ANAPC10: variants seen among roughly 807,000 people sequenced by gnomAD.
ANAPC10 encodes the protein anaphase-promoting complex subunit 10.
A neutral mutation model predicts 22.0 loss-of-function variants in ANAPC10; 12 were observed. The ratio of observed to expected loss-of-function variants is 0.55; its 90% CI spans 0.35 to 0.88. The LOEUF (loss-of-function observed/expected upper bound fraction) is 0.88. ANAPC10 is among the 40% of genes least tolerant of loss of function. The probability of loss-of-function intolerance (pLI) is 0.01; values close to 1 mark genes in which losing one functional copy is unlikely to be tolerated. For synonymous variants in ANAPC10, 65 were observed against 69.5 expected, an observed-to-expected ratio of 0.94 and a Z score of 0.32; for missense variants, 188 against 220.9, an observed-to-expected ratio of 0.85 and a Z score of 0.94.
intron 4 of ANAPC10, among the ~76,000 whole-genome samples, chr4:145,038,108 G>T (rs1474498565): frequency 1.3e-5 from 2 of 152,146 alleles, no homozygotes; most frequent in Non-Finnish European, 2.9e-5. Context: ...GCGTAAAGGG[G>T]AGGATAGCTT....
chr4:145,043,105 T>C (rs1337057785), intron 4 of ANAPC10, among the ~76,000 whole-genome samples: 1 of 151,912 alleles, frequency 6.6e-6, no homozygotes, highest in African/African-American at 2.4e-5. Context: ...AGAAACAGTA[T>C]TATTTGCTAA....
chr4:145,046,407 T>A (rs1241395551), intron 4 of ANAPC10, among the ~76,000 whole-genome samples: 1 of 152,128 alleles, frequency 6.6e-6, no homozygotes, highest in African/African-American at 2.4e-5. Flanking sequence ...TTTACTTTTT[T>A]AAATATAACA....
intron 4 of ANAPC10, among the ~76,000 whole-genome samples, chr4:144,997,060 C>A (rs1560797559): frequency 6.6e-6 from 1 of 152,136 alleles, no homozygotes; most frequent in Admixed American, 6.5e-5. Flanking sequence ...AAGAAATGAA[C>A]AAAGCCTCCA....
chr4:144,998,871 A>G (rs1732052768), intron 4 of ANAPC10, among the ~76,000 whole-genome samples: 1 of 152,178 alleles, frequency 6.6e-6, no homozygotes, highest in Non-Finnish European at 1.5e-5. Flanking sequence ...GACCGCTAGC[A>G]ACACTAATAA....
intron 4 of ANAPC10, among the ~76,000 whole-genome samples, chr4:145,007,003 T>C (rs1008913583): frequency 6.6e-6 from 1 of 152,078 alleles, no homozygotes; most frequent in South Asian, 2.1e-4. Context: ...GGCTATATGC[T>C]GAAGATATAA....
intron 3 of ANAPC10, 144 bp from the exon 4 acceptor site, chr4:145,064,836 T>A (rs1442906036): frequency 4.2e-6 from 3 of 707,594 alleles, no homozygotes; most frequent in African/African-American, 3.6e-5. Context: ...TCAACAAAAA[T>A]GAAAAATGTA....
chr4:145,009,473 G>T (rs557502116), intron 4 of ANAPC10, among the ~76,000 whole-genome samples: 1 of 152,050 alleles, frequency 6.6e-6, no homozygotes, highest in African/African-American at 2.4e-5. Flanking sequence ...CCAAAACAGA[G>T]ATGTAGACCA....
chr4:145,038,494 C>G (rs1415340027), intron 4 of ANAPC10, among the ~76,000 whole-genome samples: 1 of 151,984 alleles, frequency 6.6e-6, no homozygotes, highest in Non-Finnish European at 1.5e-5. Flanking sequence ...CCCTGGATGA[C>G]AGAGTGAGAC....
intron 4 of ANAPC10, among the ~76,000 whole-genome samples, chr4:145,027,364 G>T (rs1381697489): frequency 6.6e-6 from 1 of 151,878 alleles, no homozygotes; most frequent in East Asian, 1.9e-4. Context: ...AAAAGAAGTA[G>T]AAAATGAGAA....
chr4:145,094,958 A>G (rs1277753537), intron 2 of ANAPC10, among the ~76,000 whole-genome samples: 1 of 152,186 alleles, frequency 6.6e-6, no homozygotes, highest in East Asian at 1.9e-4. Flanking sequence ...GTATGTTATC[A>G]CTCATTTATC....
intron 3 of ANAPC10, among the ~76,000 whole-genome samples, chr4:145,080,126 A>AC (rs1041504320): frequency 2.7e-5 from 4 of 150,312 alleles, no homozygotes; most frequent in African/African-American, 9.8e-5. Context: ...AAAAAAAAAA[A>AC]AAAAAAAAAA....
chr4:145,026,957 G>GTGTATATATATATA (rs1343774253), intron 4 of ANAPC10, among the ~76,000 whole-genome samples: 4 of 18,350 alleles, frequency 2.2e-4, no homozygotes, highest in South Asian at 4.4e-3. Context: ...GTGTGTGTGT[G>GTGTATATATATATA]TATATATATA....
At chr4:145,090,830 T>G (rs1747566672) in intron 2 of ANAPC10, among the ~76,000 whole-genome samples, 1 of 152,220 alleles carries the variant, frequency 6.6e-6, no homozygotes, top group Non-Finnish European at 1.5e-5. Flanking sequence ...AAAGCTATAC[T>G]TCCTCCACTA....
chr4:145,082,127 C>T (rs896609585), intron 2 of ANAPC10, among the ~76,000 whole-genome samples: 15 of 152,040 alleles, frequency 9.9e-5, no homozygotes, highest in Admixed American at 6.6e-4. Flanking sequence ...TTGTTGTCAC[C>T]TTTTTAAAAA....
At chr4:145,000,985 A>ATT (rs1254588294) in intron 4 of ANAPC10, among the ~76,000 whole-genome samples, 1 of 152,072 alleles carries the variant, frequency 6.6e-6, no homozygotes, top group African/African-American at 2.4e-5. Flanking sequence ...ATAAATGGGA[A>ATT]TTGAACAATG....
At chr4:145,075,903 G>A (rs1165220215) in intron 3 of ANAPC10, among the ~76,000 whole-genome samples, 1 of 152,170 alleles carries the variant, frequency 6.6e-6, no homozygotes. Flanking sequence ...GGTGGCTTTG[G>A]CCTTTGTTGA....
chr4:145,054,704 G>A (rs1335669414), intron 4 of ANAPC10, among the ~76,000 whole-genome samples: 2 of 147,220 alleles, frequency 1.4e-5, no homozygotes, highest in Non-Finnish European at 2.9e-5. Flanking sequence ...GCCTGTGTGT[G>A]TGTGCATGTG....
intron 3 of ANAPC10, among the ~76,000 whole-genome samples, chr4:145,077,478 T>A (rs938962033): frequency 3.3e-5 from 5 of 152,010 alleles, no homozygotes; most frequent in African/African-American, 1.2e-4. Context: ...ACTGAAACGA[T>A]TGCAAAAAAC....
At chr4:144,997,850 GAC>G (rs1044625793) in intron 4 of ANAPC10, among the ~76,000 whole-genome samples, 16 of 152,220 alleles carry the variant, frequency 1.1e-4, no homozygotes, top group African/African-American at 3.9e-4. Context: ...CACGTGCAGA[GAC>G]ACACACAGCC....
Sources: gnomAD v4.1 joint callset for allele counts (sites outside exome capture counted in the v4.1 genomes callset) on GRCh38, gnomAD v4.1.1 for gene constraint, MANE v1.5 for transcripts, NCBI Gene and HGNC (gene_info 2026-07-23, HGNC 2026-07-21) for gene names.